Variants in FOXK1 observed in about 807,000 individuals in gnomAD.
FOXK1 encodes the protein forkhead box protein K1.
A neutral mutation model predicts 51.9 loss-of-function variants in FOXK1; 19 were observed. That is an observed-to-expected ratio of 0.37 (90% confidence interval 0.26 to 0.54). The LOEUF is 0.54. FOXK1 is among the 20% of genes least tolerant of loss of function. The probability of loss-of-function intolerance (pLI) is 0.87; values close to 1 mark genes in which losing one functional copy is unlikely to be tolerated. For missense variants in FOXK1, 870 were observed against 1,032.7 expected (o/e 0.84, Z 2.16); for synonymous variants, 537 against 482.6 (o/e 1.11, Z -1.48).
chr7:4,757,354 G>A (rs950492840), intron 5 of FOXK1, among the ~76,000 whole-genome samples, 167 bp downstream of exon 5: 5 of 152,068 alleles, frequency 3.3e-5, no homozygotes, highest in South Asian at 2.1e-4. Flanking sequence ...GAAGGCCGGC[G>A]CGGTGGCTCA....
In FOXK1 at chr7:4,768,315, G is replaced by A. The variant is rs1343874728; in HGVS notation, c.*5851G>A. ...GCCCGGCTAATTTTTTGTATTTTTA[G>A]TAGAGACGGGGTTTCACCGTGTTAG... is the stretch of plus-strand genomic sequence containing the variant. On this transcript the variant is annotated 3_prime_UTR_variant, in exon 9 of 9. Coordinates refer to ENST00000328914, the MANE Select transcript of FOXK1 (RefSeq NM_001037165.2). 2 of 144,062 alleles carry A rather than the reference G, an allele frequency of 1.4e-5. No individual in the cohort carries two copies. The highest frequency in any genetic ancestry group is 3.0e-5 in the Non-Finnish European group (2 of 67,468). The allele number at this position is 144,062 out of a possible 1,614,324, so 8.9% of individuals were successfully genotyped here. A position where few individuals can be genotyped will look rare whatever the true frequency, so the allele number is the denominator to read the frequency against.
intron 1 of FOXK1, among the ~76,000 whole-genome samples, chr7:4,687,247 A>G (rs1221748860): frequency 6.6e-6 from 1 of 150,478 alleles, no homozygotes; most frequent in Non-Finnish European, 1.5e-5. Context: ...TTTCCTTTTT[A>G]CATAGTTAAT....
chr7:4,686,313 C>T (rs1053084882), intron 1 of FOXK1, among the ~76,000 whole-genome samples: 4 of 152,176 alleles, frequency 2.6e-5, no homozygotes, highest in African/African-American at 9.7e-5. Context: ...CACCTTGGGA[C>T]AGGTACATGC....
chr7:4,701,179 C>T (rs1373429239), intron 1 of FOXK1, among the ~76,000 whole-genome samples: 1 of 152,208 alleles, frequency 6.6e-6, no homozygotes, highest in Non-Finnish European at 1.5e-5. Context: ...GCTGCACGAT[C>T]AGAGCTAAAC....
In FOXK1 at chr7:4,703,530, CACA is replaced by C. The variant is rs1780046313; in HGVS notation, c.560+20667_560+20669del. 1.3e-5 allele frequency among the ~76,000 whole-genome samples: 2 copies of C among 152,156 alleles called. No homozygotes were observed. Among genetic ancestry groups the C allele is most frequent in the African/African-American group, 2.4e-5 (1 of 41,434 alleles). On this transcript the variant is annotated intron_variant, in intron 1 of 8. Coordinates refer to ENST00000328914, the MANE Select transcript of FOXK1 (RefSeq NM_001037165.2). This position sits in a 1 kb window ranked among gnomAD's most constrained non-coding sequence, Gnocchi z 5.6. Reference sequence around the variant, plus strand: ...CCCTGCTGCGCGGGAGGGAAAGAGCCACAACAAGTTGAAGGTGCCCAGGAGACT... The same window carrying C: ...CCCTGCTGCGCGGGAGGGAAAGAGCCACAAGTTGAAGGTGCCCAGGAGACT...
intron 1 of FOXK1, among the ~76,000 whole-genome samples, chr7:4,716,185 C>T (rs1780230415): frequency 6.6e-6 from 1 of 151,186 alleles, no homozygotes; most frequent in Admixed American, 6.6e-5. Flanking sequence ...TGCGCCTCTG[C>T]ACTCCAGCCT....
chr7:4,708,934 G>T (rs369558318), intron 1 of FOXK1, among the ~76,000 whole-genome samples: 2 of 152,154 alleles, frequency 1.3e-5, no homozygotes, highest in African/African-American at 4.8e-5. Flanking sequence ...GCGTGATGGC[G>T]TGTGCCTGTA....
chr7:4,697,400 C>G (rs897197811), intron 1 of FOXK1, among the ~76,000 whole-genome samples: 1 of 152,234 alleles, frequency 6.6e-6, no homozygotes, highest in Non-Finnish European at 1.5e-5. Context: ...CCAGACCCTG[C>G]CAGCTGCCTG....
At chr7:4,754,730 C>T (rs962886581) in intron 3 of FOXK1, 115 bp downstream of exon 3, 4 of 1,313,466 alleles carry the variant, frequency 3.0e-6, no homozygotes, top group Non-Finnish European at 3.1e-6. Context: ...GAGGTGGTCT[C>T]AGCCCACAGG....
intron 1 of FOXK1, among the ~76,000 whole-genome samples, chr7:4,725,567 C>T (rs1780370023): frequency 1.3e-5 from 2 of 152,242 alleles, no homozygotes; most frequent in South Asian, 4.1e-4. Flanking sequence ...GCGGCCGGGC[C>T]CCTCCGGCCA....
At chr7:4,741,089 C>T (rs1012582244) in intron 2 of FOXK1, 66 bp downstream of exon 2, 10 of 1,157,642 alleles carry the variant, frequency 8.6e-6, no homozygotes, top group South Asian at 3.5e-5. Flanking sequence ...GCGTGCCTGT[C>T]GTACGCAGCA....
In FOXK1 at chr7:4,732,608, G is replaced by C. The variant is rs574653366; in HGVS notation, c.561-8230G>C. ...CGTGGGATTACGGGCATGAGCCACC[G>C]CGCCAGCCAATATGCATAGTTTTAA... On this transcript the variant is annotated intron_variant, in intron 1 of 8. Coordinates refer to ENST00000328914, the MANE Select transcript of FOXK1 (RefSeq NM_001037165.2). Among the ~76,000 whole-genome samples, 567 of 152,262 alleles carry C rather than the reference G, an allele frequency of 3.7e-3. 3 individuals carry two copies. The highest frequency in any genetic ancestry group is 0.013 in the African/African-American group (534 of 41,554).
intron 1 of FOXK1, among the ~76,000 whole-genome samples, chr7:4,714,837 G>A (rs529750689): frequency 2.0e-5 from 3 of 152,230 alleles, no homozygotes; most frequent in East Asian, 3.9e-4. Flanking sequence ...GCAAAGGAAG[G>A]GCATAAAACC....
Position 4,769,208 on chromosome 7 carries a change from A to G in FOXK1, c.*6744A>G, listed in dbSNP as rs1387068076. On this transcript the variant is annotated 3_prime_UTR_variant, in exon 9 of 9. Coordinates refer to ENST00000328914, the MANE Select transcript of FOXK1 (RefSeq NM_001037165.2). The surrounding 1 kb of genome is among the most constrained non-coding windows in gnomAD (Gnocchi z 4.1). The stretch of plus-strand genomic sequence containing the variant: ...AGTCACTCTTTGCACCTGCCCTGTC[A>G]TTCTCGCCATGGGGAAAATGCGTTG... 6.6e-6 allele frequency: 1 copy of G among 152,168 alleles called. No homozygotes were observed. The highest frequency in any genetic ancestry group is 1.5e-5 in the Non-Finnish European group (1 of 68,030). The allele number at this position is 152,168 out of a possible 1,614,324, so 9.4% of individuals were successfully genotyped here.
chr7:4,752,130 G>A (rs1049341867), intron 2 of FOXK1, among the ~76,000 whole-genome samples: 3 of 152,120 alleles, frequency 2.0e-5, no homozygotes, highest in African/African-American at 7.2e-5. Flanking sequence ...TTTTTAAAAT[G>A]TTAAAACTTT....
At chr7:4,752,375 G>C (rs906207843) in intron 2 of FOXK1, among the ~76,000 whole-genome samples, 3 of 152,196 alleles carry the variant, frequency 2.0e-5, no homozygotes, top group Non-Finnish European at 4.4e-5. Context: ...GACCATGTGG[G>C]CTCAAGCGAT....
chr7:4,684,410 T>C (rs550496833), intron 1 of FOXK1, among the ~76,000 whole-genome samples: 2 of 152,320 alleles, frequency 1.3e-5, no homozygotes, highest in Admixed American at 1.3e-4. Flanking sequence ...TCGCATTGAA[T>C]AATTTAAAAT....
At chr7:4,741,144 C>T (rs1202934222) in intron 2 of FOXK1, 121 bp downstream of exon 2, 8 of 681,912 alleles carry the variant, frequency 1.2e-5, no homozygotes, top group Non-Finnish European at 1.6e-5. Flanking sequence ...CATGGAAATA[C>T]AGAAAGTGTT....
At chr7:4,740,644 G>A (rs1046903307) in intron 1 of FOXK1, among the ~76,000 whole-genome samples, 194 bp from the exon 2 acceptor site, 2 of 152,038 alleles carry the variant, frequency 1.3e-5, no homozygotes, top group African/African-American at 4.8e-5. Context: ...GAAATAGAAA[G>A]ACAAGTGACT....
Sources: allele counts gnomAD v4.1 joint callset (sites outside exome capture counted in the v4.1 genomes callset), GRCh38; gene constraint gnomAD v4.1.1; non-coding constraint Gnocchi (gnomAD v3.1); transcripts MANE v1.5; gene names NCBI Gene and HGNC (gene_info 2026-07-23, HGNC 2026-07-21).